Variants in DLGAP2 observed in about 807,000 individuals in gnomAD.
The protein encoded by DLGAP2 is DLG associated protein 2.
DLGAP2 carries 26 observed loss-of-function variants against 100.3 expected under a neutral mutation model. That is an observed-to-expected ratio of 0.26 (90% CI 0.19 to 0.36). The LOEUF (loss-of-function observed/expected upper bound fraction) is 0.36, where lower values mean the gene tolerates loss of function less well. Ranked by LOEUF, DLGAP2 falls within the 10% of genes least tolerant of loss-of-function variation. The probability of loss-of-function intolerance (pLI) is 1.00; values close to 1 mark genes in which losing one functional copy is unlikely to be tolerated. For missense variants in DLGAP2, 1,858 were observed against 1,453.2 expected (o/e 1.28, Z -4.53); for synonymous variants, 886 against 630.1 (o/e 1.41, Z -6.08).
chr8:1,415,474 C>A (rs560742916), intron 3 of DLGAP2, among the ~76,000 whole-genome samples: 11 of 152,268 alleles, frequency 7.2e-5, no homozygotes, highest in African/African-American at 2.4e-4. Flanking sequence ...TTCCCTCCCC[C>A]TCTAGTAGCC....
At chr8:1,089,870 T>A (rs112448894) in intron 2 of DLGAP2, among the ~76,000 whole-genome samples, 2 of 152,204 alleles carry the variant, frequency 1.3e-5, no homozygotes, top group African/African-American at 4.8e-5. Context: ...TGGAGACACA[T>A]GTGACAGTTT....
rs141263906 is a variant in DLGAP2, at chr8:1,629,780, T to G, written c.1590+2893T>G. ...TGTGAACGTTCATCTCTAATACTTTTCCACAAACAACTTTCAATTAAATGG... is the reference window on the plus strand; with the variant it reads ...TGTGAACGTTCATCTCTAATACTTTGCCACAAACAACTTTCAATTAAATGG... On this transcript the variant is annotated intron_variant, in intron 7 of 14. Transcript: ENST00000637795. Among the ~76,000 whole-genome samples, 55 of 152,372 alleles carry G rather than the reference T, an allele frequency of 3.6e-4. 2 individuals carry two copies. The highest frequency in any genetic ancestry group is 4.4e-4 in the Non-Finnish European group (30 of 68,030).
chr8:1,537,639 A>C (rs921554784), intron 4 of DLGAP2, among the ~76,000 whole-genome samples: 2 of 151,836 alleles, frequency 1.3e-5, no homozygotes, highest in African/African-American at 4.8e-5. Flanking sequence ...CCCAACATCT[A>C]CTGTGGAGCC....
intron 1 of DLGAP2, among the ~76,000 whole-genome samples, chr8:795,016 G>C (rs1795994777): frequency 6.6e-6 from 1 of 152,198 alleles, no homozygotes; most frequent in Non-Finnish European, 1.5e-5. Context: ...CCTCCATTTA[G>C]TTTGGGAGAG....
intron 5 of DLGAP2, 90 bp from the exon 6 acceptor site, chr8:1,565,593 G>A: frequency 1.0e-6 from 1 of 998,046 alleles, no homozygotes; most frequent in East Asian, 2.6e-5. Context: ...TATCTTTATG[G>A]AATTGTAGAG....
rs113641018 is a variant in DLGAP2, at chr8:1,462,530, G to T, written c.107-38836G>T. The stretch of plus-strand genomic sequence containing the variant: ...GTGGGCTGGGTGCAGTCGCTGATTT[G>T]GTGGCCAGGAGGAGGGAGAAGGGCG... On this transcript the variant is annotated intron_variant, in intron 3 of 14. Transcript: ENST00000637795. Among the ~76,000 whole-genome samples, 387 of 128,262 alleles carry T rather than the reference G, an allele frequency of 3.0e-3. 61 individuals carry two copies. The highest frequency in any genetic ancestry group is 8.9e-3 in the Middle Eastern group (2 of 224). The allele number at this position is 128,262 out of a possible 152,430, so 84.1% of individuals were successfully genotyped here.
intron 1 of DLGAP2, among the ~76,000 whole-genome samples, chr8:788,960 G>A (rs1421279348): frequency 6.6e-6 from 1 of 152,230 alleles, no homozygotes; most frequent in Admixed American, 6.5e-5. Context: ...CAACACCAGA[G>A]CCAGCAGGAA....
At chr8:1,323,700 C>T (rs534465958) in intron 3 of DLGAP2, among the ~76,000 whole-genome samples, 1 of 152,354 alleles carries the variant, frequency 6.6e-6, no homozygotes, top group East Asian at 1.9e-4. Context: ...CAATCCCAAA[C>T]TTGCCAGGTG....
chr8:1,193,308 A>G (rs1168341671), intron 2 of DLGAP2, among the ~76,000 whole-genome samples: 1 of 152,092 alleles, frequency 6.6e-6, no homozygotes, highest in Non-Finnish European at 1.5e-5. Flanking sequence ...AAGTGTTCCC[A>G]TTTCTCCACA....
intron 3 of DLGAP2, among the ~76,000 whole-genome samples, chr8:1,270,657 T>G (rs1453663098): frequency 6.6e-6 from 1 of 151,780 alleles, no homozygotes; most frequent in Non-Finnish European, 1.5e-5. Context: ...GCCTTAAAAT[T>G]GTGTGTCTCT....
intron 2 of DLGAP2, among the ~76,000 whole-genome samples, chr8:1,235,289 A>G (rs1279950674): frequency 2.7e-5 from 4 of 145,684 alleles, no homozygotes; most frequent in Non-Finnish European, 6.0e-5. Context: ...CGTCGTGTCT[A>G]GTTCCCTCAC....
At chr8:1,074,196 G>A (rs1373913155) in intron 2 of DLGAP2, among the ~76,000 whole-genome samples, 1 of 149,068 alleles carries the variant, frequency 6.7e-6, no homozygotes, top group Non-Finnish European at 1.5e-5. Context: ...AGGGTTTGCA[G>A]CAGACTGAAG....
chr8:1,539,430 A>G (rs745371188), intron 4 of DLGAP2, among the ~76,000 whole-genome samples: 2 of 152,028 alleles, frequency 1.3e-5, no homozygotes, highest in Non-Finnish European at 1.5e-5. Context: ...CCTATGATGG[A>G]CGGCTCTAAT....
intron 3 of DLGAP2, among the ~76,000 whole-genome samples, chr8:1,292,898 C>G (rs1800092460): frequency 6.6e-6 from 1 of 152,158 alleles, no homozygotes; most frequent in Admixed American, 6.5e-5. Flanking sequence ...GTGCGTGGGT[C>G]AGGGTCCCCT....
intron 2 of DLGAP2, among the ~76,000 whole-genome samples, chr8:1,170,576 A>G (rs1267507641): frequency 1.4e-5 from 2 of 142,628 alleles, no homozygotes; most frequent in African/African-American, 5.1e-5. Flanking sequence ...TTATTGGTCT[A>G]TTCAGAGATT....
intron 3 of DLGAP2, among the ~76,000 whole-genome samples, chr8:1,339,477 C>T (rs1801370585): frequency 6.6e-6 from 1 of 152,220 alleles, no homozygotes; most frequent in Non-Finnish European, 1.5e-5. Flanking sequence ...GGGACCCTCC[C>T]TTGGTGAGCT....
At chr8:1,039,925 GGTGTGCATGGTCGGCTCA>G (rs1802272675) in intron 2 of DLGAP2, among the ~76,000 whole-genome samples, 1 of 148,298 alleles carries the variant, frequency 6.7e-6, no homozygotes. Flanking sequence ...TGGTCAGCTC[GGTGTGCATGGTCGGCTCA>G]GTTTCCGTGG....
At chr8:1,499,548 T>A (rs1799647271) in intron 3 of DLGAP2, among the ~76,000 whole-genome samples, 1 of 152,222 alleles carries the variant, frequency 6.6e-6, no homozygotes, top group African/African-American at 2.4e-5. Context: ...TGGTTTTATG[T>A]TATACTTAAT....
At chr8:804,256 C>G (rs1395651069) in intron 1 of DLGAP2, among the ~76,000 whole-genome samples, 1 of 152,114 alleles carries the variant, frequency 6.6e-6, no homozygotes, top group African/African-American at 2.4e-5. Context: ...TCCAATGATT[C>G]TGGGGTTTTT....
Sources: gnomAD v4.1 joint callset for allele counts (sites outside exome capture counted in the v4.1 genomes callset) on GRCh38, gnomAD v4.1.1 for gene constraint, MANE v1.5 for transcripts, NCBI Gene and HGNC (gene_info 2026-07-23, HGNC 2026-07-21) for gene names.